TRIO: variants seen among roughly 807,000 people sequenced by gnomAD.
TRIO encodes the protein trio Rho guanine nucleotide exchange factor.
TRIO carries 58 observed loss-of-function variants against 351.9 expected under a neutral mutation model. The observed-to-expected ratio is 0.16, with a 90% CI of 0.13 to 0.21. The LOEUF (loss-of-function observed/expected upper bound fraction) is 0.21. Among genes scored for constraint, TRIO ranks in the 10% least tolerant of loss-of-function variants. TRIO has a pLI of 1.00. For synonymous variants in TRIO, 1,758 were observed against 1,595.7 expected, an observed-to-expected ratio of 1.10 and a Z score of -2.42; for missense variants, 3,201 against 4,027.8, an observed-to-expected ratio of 0.79 and a Z score of 5.56.
chr5:14,396,044 T>TAGA (rs1747542105), intron 28 of TRIO, among the ~76,000 whole-genome samples: 1 of 64,542 alleles, frequency 1.5e-5, no homozygotes. Flanking sequence ...AGACTCCGCC[T>TAGA]AAAAAAAAAA....
intron 2 of TRIO, among the ~76,000 whole-genome samples, 193 bp downstream of exon 2, chr5:14,271,092 A>G (rs532733615): frequency 7.2e-5 from 11 of 152,368 alleles, no homozygotes; most frequent in African/African-American, 1.7e-4. Flanking sequence ...TAGGAGGCAC[A>G]TGATAAGTTA....
chr5:14,339,429 A>G (rs1741735144), intron 11 of TRIO, among the ~76,000 whole-genome samples: 1 of 152,236 alleles, frequency 6.6e-6, no homozygotes, highest in South Asian at 2.1e-4. Flanking sequence ...CACAATAGGA[A>G]TTTCTAGTAT....
At position 14,296,920 on chromosome 5, in the gene TRIO, TG is replaced by T. The variant is rs1466425193; in HGVS notation, c.1177-151del. ...TTTATGGAAATCTAGAGAGCAAATA[TG>T]TATAATATTATATATATCAGGTGAT... On this transcript the variant is annotated intron_variant, in intron 6 of 56. Coordinates refer to ENST00000344204, the MANE Select transcript of TRIO (RefSeq NM_007118.4). The T allele has an allele frequency of 7.8e-5, 38 of 485,690 alleles. No homozygotes were observed. The East Asian group carries it at 1.1e-3, about 14-fold the overall frequency. The allele number at this position is 485,690 out of a possible 1,614,324, so 30.1% of individuals were successfully genotyped here. A position where few individuals can be genotyped will look rare whatever the true frequency, so the allele number is the denominator to read the frequency against.
At chr5:14,465,511 C>G in intron 36 of TRIO, 34 bp from the exon 37 acceptor site, 129 of 1,550,950 alleles carry the variant, frequency 8.3e-5, no homozygotes, top group Non-Finnish European at 1.1e-4. Context: ...TGAGCCCTTG[C>G]CCCACCCCCT....
chr5:14,420,263 A>G (rs1255204868), intron 34 of TRIO: 32 of 544,018 alleles, frequency 5.9e-5, no homozygotes, highest in Non-Finnish European at 2.6e-5. Flanking sequence ...GTAGTGAGAT[A>G]TGACATCAGT....
At chr5:14,361,307 A>G (rs182229215) in intron 13 of TRIO, among the ~76,000 whole-genome samples, 94 of 152,358 alleles carry the variant, frequency 6.2e-4, no homozygotes, top group African/African-American at 2.2e-3. Flanking sequence ...AAACAAAAAC[A>G]TACATTTTTC....
rs115411936 is a variant in TRIO at position 14,482,211 on chromosome 5, G to C, written c.6466-371G>C. 2.0e-5 allele frequency among the ~76,000 whole-genome samples: 3 copies of C among 152,124 alleles called. No homozygotes were observed. In the East Asian group the frequency reaches 5.8e-4, roughly 29 times the overall value. The stretch of plus-strand genomic sequence containing the variant: ...TTCTGGTGCTATGGTTCTCTCTGAC[G>C]CACACACAGAGGCCGTTGGAGGGCT... On this transcript the variant is annotated intron_variant, in intron 45 of 56. Coordinates refer to ENST00000344204, the MANE Select transcript of TRIO (RefSeq NM_007118.4).
chr5:14,250,258 G>A lies in TRIO; in HGVS notation c.158-20567G>A, dbSNP rs562158799. Among the ~76,000 whole-genome samples, 6 of 152,272 alleles carry A rather than the reference G, an allele frequency of 3.9e-5. No homozygotes were observed. In the South Asian group the frequency reaches 1.0e-3, roughly 26 times the overall value. On this transcript the variant is annotated intron_variant, in intron 1 of 56. Transcript: ENST00000344204. ...GCCAGCATGCCGTCACTGTCTTGAC[G>A]ATACCTCTGAGCCACCTCTGCGCTG...
At chr5:14,270,791 C>T (rs1261156505) in intron 1 of TRIO, 34 bp from the exon 2 acceptor site, 1 of 1,574,976 alleles carries the variant, frequency 6.3e-7, no homozygotes, top group Non-Finnish European at 8.7e-7. Context: ...ACTCTGGCAA[C>T]CCAGTAATTT....
chr5:14,197,850 C>A (rs1790872891), intron 1 of TRIO, among the ~76,000 whole-genome samples: 1 of 152,150 alleles, frequency 6.6e-6, no homozygotes, highest in Non-Finnish European at 1.5e-5. Flanking sequence ...ATATAAGGTA[C>A]CCGAATCTCT....
At chr5:14,257,607 C>T (rs190262718) in intron 1 of TRIO, among the ~76,000 whole-genome samples, 9 of 152,232 alleles carry the variant, frequency 5.9e-5, no homozygotes, top group Non-Finnish European at 4.4e-5. Flanking sequence ...AAGATCTTCC[C>T]GAGTGGCTTG....
chr5:14,501,927 T>C (rs1757321917), intron 53 of TRIO, among the ~76,000 whole-genome samples: 1 of 152,226 alleles, frequency 6.6e-6, no homozygotes, highest in Non-Finnish European at 1.5e-5. Flanking sequence ...CACTTAGTGC[T>C]TCTTTTCACA....
At chr5:14,490,888 A>G (rs879876446) in intron 48 of TRIO, 14 of 455,244 alleles carry the variant, frequency 3.1e-5, no homozygotes, top group Admixed American at 1.4e-4. Flanking sequence ...GCATTGCCAT[A>G]TAAGTCAGAA....
intron 1 of TRIO, among the ~76,000 whole-genome samples, chr5:14,236,330 ATG>A (rs1561235252): frequency 1.3e-5 from 2 of 151,892 alleles, no homozygotes; most frequent in Admixed American, 6.6e-5. Flanking sequence ...TAAATCTTAA[ATG>A]TTCCTTTTTC....
At chr5:14,382,806 A>C (rs1471954429) in intron 21 of TRIO, among the ~76,000 whole-genome samples, 2 of 152,024 alleles carry the variant, frequency 1.3e-5, no homozygotes. Context: ...GCTGGAATAC[A>C]TAATAGTTAT....
At chr5:14,194,446 AGAGGTG>A (rs1026473996) in intron 1 of TRIO, among the ~76,000 whole-genome samples, 2 of 152,196 alleles carry the variant, frequency 1.3e-5, no homozygotes, top group African/African-American at 4.8e-5. Flanking sequence ...CATTAGGTGA[AGAGGTG>A]GAGAAGGGTG....
At chr5:14,362,649 G>T (rs959934090) in intron 13 of TRIO, among the ~76,000 whole-genome samples, 1 of 152,170 alleles carries the variant, frequency 6.6e-6, no homozygotes, top group Non-Finnish European at 1.5e-5. Flanking sequence ...TAGATGCAAA[G>T]ACCTGATTCT....
chr5:14,231,935 G>C (rs1203426388), intron 1 of TRIO, among the ~76,000 whole-genome samples: 1 of 151,632 alleles, frequency 6.6e-6, no homozygotes, highest in East Asian at 1.9e-4. Context: ...ATATGTAGAA[G>C]ATCATTCAGG....
intron 1 of TRIO, among the ~76,000 whole-genome samples, chr5:14,147,251 C>A (rs1049399175): frequency 6.6e-6 from 1 of 152,186 alleles, no homozygotes; most frequent in Non-Finnish European, 1.5e-5. Context: ...GACTTGCCCC[C>A]CAGAGTGGAA....
Sources: gnomAD v4.1 joint callset for allele counts (sites outside exome capture counted in the v4.1 genomes callset) on GRCh38, gnomAD v4.1.1 for gene constraint, MANE v1.5 for transcripts, NCBI Gene and HGNC (gene_info 2026-07-23, HGNC 2026-07-21) for gene names.